The following KIF13A variants were observed in gnomAD, a reference collection of about 807,000 sequenced individuals.
The protein encoded by KIF13A is kinesin-like protein KIF13A.
In KIF13A, 79 loss-of-function variants were observed where a neutral mutation model predicts 212.2. The observed-to-expected ratio is 0.37, with a 90% CI of 0.31 to 0.45. The LOEUF is 0.45. Among genes scored for constraint, KIF13A ranks in the 20% least tolerant of loss-of-function variants. The pLI, the probability that KIF13A is intolerant of heterozygous loss-of-function variation, is 1.00. For missense variants in KIF13A, 1,901 were observed against 2,209.0 expected (o/e 0.86, Z 2.79); for synonymous variants, 789 against 808.6 (o/e 0.98, Z 0.41).
Position 17,772,038 on chromosome 6 carries a change from T to G in KIF13A, c.4346A>C (p.His1449Pro). ...NKEGCTSETP[H>P]ALTVSPFKAF... ...TTTAAAAGGGCTGACGGTTAAGGCA[T>G]GAGGAGTCTCTGATGTACAACCTAG... The change falls in exon 37 of 39, where the codon CAT becomes CCT. Residue 1449 changes from histidine to proline, a missense_variant. By Grantham distance (77) the His-to-Pro change is moderately conservative (BLOSUM62 -2). Around this residue, in one of 5 missense-constraint regions of KIF13A, gnomAD observed 687 missense variants for 759.1 expected, o/e 0.90. Transcript: ENST00000259711. This position sits in a 1 kb window ranked among gnomAD's most constrained non-coding sequence, Gnocchi z 4.8. 1 of 1,613,910 alleles carries G rather than the reference T, an allele frequency of 6.2e-7. No individual in the cohort carries two copies. Among genetic ancestry groups the G allele is most frequent in the Non-Finnish European group, 8.5e-7 (1 of 1,179,818 alleles).
rs116178866 is a variant in KIF13A at position 17,872,568 on chromosome 6, T to C, written c.220+809A>G. Reference sequence around the variant, plus strand: ...TAATTAGCTCAATTTAGCCATTCCATAATATATACATATTTCAAAACATCA... The same window carrying C: ...TAATTAGCTCAATTTAGCCATTCCACAATATATACATATTTCAAAACATCA... On this transcript the variant is annotated intron_variant, in intron 4 of 38. Coordinates refer to ENST00000259711, the MANE Select transcript of KIF13A (RefSeq NM_022113.6). The surrounding 1 kb of genome is among the most constrained non-coding windows in gnomAD (Gnocchi z 4.7). Among the ~76,000 whole-genome samples the C allele has an allele frequency of 0.018, 2,698 of 152,338 alleles. 90 individuals carry two copies. Among genetic ancestry groups the C allele is most frequent in the African/African-American group, 0.061 (2,528 of 41,568 alleles).
intron 29 of KIF13A, among the ~76,000 whole-genome samples, chr6:17,781,570 C>T (rs936910568): frequency 1.3e-5 from 2 of 150,942 alleles, no homozygotes; most frequent in African/African-American, 4.9e-5. Context: ...ATGAATCTTC[C>T]TGCCTTGACT....
intron 2 of KIF13A, among the ~76,000 whole-genome samples, chr6:17,964,829 GTTT>G (rs1779152146): frequency 6.7e-6 from 1 of 149,648 alleles, no homozygotes; most frequent in Non-Finnish European, 1.5e-5. Context: ...TTTTCTTGTT[GTTT>G]TGTTTTTTTG....
chr6:17,845,201 T>G (rs887031398), intron 9 of KIF13A, among the ~76,000 whole-genome samples: 1 of 152,040 alleles, frequency 6.6e-6, no homozygotes, highest in Non-Finnish European at 1.5e-5. Context: ...GAGAACAGCA[T>G]GAGGGAAACC....
rs1276994255 is a variant in KIF13A, at chr6:17,960,929, G to A, written c.146+26125C>T. Among the ~76,000 whole-genome samples, 3 of 152,240 alleles carry A rather than the reference G, an allele frequency of 2.0e-5. No homozygotes were observed. The East Asian group carries it at 5.8e-4, about 29-fold the overall frequency. ...GAGCACGAATTGAGTACCGAACACTGCACTAGACCCCTTTCAAGATCCACA... is the reference window on the plus strand; with the variant it reads ...GAGCACGAATTGAGTACCGAACACTACACTAGACCCCTTTCAAGATCCACA... On this transcript the variant is annotated intron_variant, in intron 2 of 38. Transcript: ENST00000259711.
At chr6:17,953,927 CA>C in intron 2 of KIF13A, 1 of 190,412 alleles carries the variant, frequency 5.3e-6, no homozygotes, top group Non-Finnish European at 1.1e-5. Context: ...AAGAGTACTT[CA>C]AATGCAAGAA....
At chr6:17,858,553 C>G (rs1013399163) in intron 4 of KIF13A, among the ~76,000 whole-genome samples, 3 of 152,118 alleles carry the variant, frequency 2.0e-5, no homozygotes, top group Non-Finnish European at 4.4e-5. Flanking sequence ...CTCAAAGGAC[C>G]TTCCTTATTC....
At chr6:17,891,629 A>C (rs1277274697) in intron 3 of KIF13A, among the ~76,000 whole-genome samples, 1 of 152,072 alleles carries the variant, frequency 6.6e-6, no homozygotes, top group Non-Finnish European at 1.5e-5. Flanking sequence ...GTGGTGGCTC[A>C]TGTCTCTCGT....
Position 17,903,977 on chromosome 6 carries a change from A to AC in KIF13A, c.147-5798dup, listed in dbSNP as rs1337165716. On this transcript the variant is annotated intron_variant, in intron 2 of 38. Transcript: ENST00000259711. ...AGACCACCCTAGGCAACACAGTAAG[A>AC]CCCCATCTTTACTAAAAATAAAAAA... Among the ~76,000 whole-genome samples, 6 of 150,500 alleles carry AC rather than the reference A, an allele frequency of 4.0e-5. No individual in the cohort carries two copies. In the East Asian group the frequency reaches 1.2e-3, roughly 29 times the overall value.
At chr6:17,955,127 G>A (rs1229871878) in intron 2 of KIF13A, among the ~76,000 whole-genome samples, 1 of 152,134 alleles carries the variant, frequency 6.6e-6, no homozygotes, top group Non-Finnish European at 1.5e-5. Flanking sequence ...ACGGCACCTG[G>A]CCTACAAGTA....
intron 3 of KIF13A, among the ~76,000 whole-genome samples, chr6:17,875,960 A>G (rs547549281): frequency 5.3e-5 from 8 of 152,272 alleles, no homozygotes; most frequent in Admixed American, 2.6e-4. Context: ...AAAGGCTCTA[A>G]AAAGTCTTCC....
Position 17,805,666 on chromosome 6 carries a change from T to C in KIF13A, c.2164-51A>G, listed in dbSNP as rs953983954. ...AACCCTGTTATAACTCCTTTTTCGATTGCTAAAGCAATATATATACAACAG... is the reference window on the plus strand; with the variant it reads ...AACCCTGTTATAACTCCTTTTTCGACTGCTAAAGCAATATATATACAACAG... On this transcript the variant is annotated intron_variant, in intron 18 of 38. Coordinates refer to ENST00000259711, the MANE Select transcript of KIF13A (RefSeq NM_022113.6). The C allele has an allele frequency of 1.1e-5, 17 of 1,515,084 alleles. No individual in the cohort carries two copies. In the African/African-American group the frequency reaches 2.2e-4, roughly 20 times the overall value. 93.9% of individuals were successfully genotyped at this position (1,515,084 alleles called of 1,614,324 possible).
chr6:17,954,506 A>G (rs1053777617), intron 2 of KIF13A, among the ~76,000 whole-genome samples: 2 of 152,208 alleles, frequency 1.3e-5, no homozygotes, highest in African/African-American at 2.4e-5. Context: ...AATACACAGC[A>G]TAATTTAAAA....
rs1462354577 is a variant in KIF13A at position 17,971,583 on chromosome 6, C to A, written c.146+15471G>T. Among the ~76,000 whole-genome samples the A allele has an allele frequency of 6.6e-6, 1 of 151,984 alleles. No individual in the cohort carries two copies. The highest frequency in any genetic ancestry group is 1.9e-4 in the East Asian group (1 of 5,178). ...ACTACAAGTGAGCACTACTACCACA[C>A]CCAGCTAATTTTTCTATTTTTTGTA... On this transcript the variant is annotated intron_variant, in intron 2 of 38. Transcript: ENST00000259711. The surrounding 1 kb of genome is among the most constrained non-coding windows in gnomAD (Gnocchi z 4.2).
downstream of KIF13A, among the ~76,000 whole-genome samples, chr6:17,762,769 A>C (rs921176370): frequency 1.3e-5 from 2 of 152,214 alleles, no homozygotes; most frequent in South Asian, 4.1e-4. Context: ...CTCTATCATT[A>C]TTCTTATGTC....
chr6:17,941,889 C>T (rs1359387458), intron 2 of KIF13A, among the ~76,000 whole-genome samples: 2 of 150,986 alleles, frequency 1.3e-5, no homozygotes, highest in Admixed American at 6.6e-5. Context: ...TAATTATTAA[C>T]GTTATTATTA....
chr6:17,855,777 G>A lies in KIF13A; in HGVS notation c.314-160C>T, dbSNP rs1768081765. ...TGCTCAGGCTGGAGTGCAGTGGTGT[G>A]ATCATGGCTCACTACAGTCTCAAAC... On this transcript the variant is annotated intron_variant, in intron 5 of 38. Coordinates refer to ENST00000259711, the MANE Select transcript of KIF13A (RefSeq NM_022113.6). This position sits in a 1 kb window ranked among gnomAD's most constrained non-coding sequence, Gnocchi z 4.1. Among the ~76,000 whole-genome samples, 1 of 152,198 alleles carries A rather than the reference G, an allele frequency of 6.6e-6. No individual in the cohort carries two copies. Among genetic ancestry groups the A allele is most frequent in the African/African-American group, 2.4e-5 (1 of 41,452 alleles).
chr6:17,841,661 C>T (rs751543072), intron 9 of KIF13A, among the ~76,000 whole-genome samples: 7 of 152,080 alleles, frequency 4.6e-5, no homozygotes, highest in African/African-American at 1.2e-4. Context: ...TAGTAGAAGC[C>T]GCCCCTTTTA....
intron 2 of KIF13A, among the ~76,000 whole-genome samples, chr6:17,972,434 T>C (rs138759826): frequency 1.2e-3 from 181 of 152,334 alleles, no homozygotes; most frequent in African/African-American, 4.2e-3. Flanking sequence ...CAGCTATAAA[T>C]CTTTACACAT....
Sources: allele counts gnomAD v4.1 joint callset (sites outside exome capture counted in the v4.1 genomes callset), GRCh38; gene constraint gnomAD v4.1.1; regional missense constraint gnomAD v4.1.1; non-coding constraint Gnocchi (gnomAD v3.1); transcripts MANE v1.5; gene names NCBI Gene and HGNC (gene_info 2026-07-23, HGNC 2026-07-21).